The following SFSWAP variants were observed in gnomAD, a reference collection of about 807,000 sequenced individuals.
SFSWAP encodes the protein splicing factor, suppressor of white-apricot homolog.
A neutral mutation model predicts 100.7 loss-of-function variants in SFSWAP; 17 were observed. The observed-to-expected ratio is 0.17, with a 90% CI of 0.12 to 0.25. The LOEUF is 0.25. SFSWAP is among the 10% of genes least tolerant of loss of function. The probability of loss-of-function intolerance (pLI) is 1.00; values close to 1 mark genes in which losing one functional copy is unlikely to be tolerated. For missense variants in SFSWAP, 1,005 were observed against 1,262.6 expected, an observed-to-expected ratio of 0.80 and a Z score of 3.09; for synonymous variants, 504 against 510.1, an observed-to-expected ratio of 0.99 and a Z score of 0.16.
chr12:131,751,841 G>A (rs374896024), intron 7 of SFSWAP, among the ~76,000 whole-genome samples: 3 of 152,184 alleles, frequency 2.0e-5, no homozygotes, highest in African/African-American at 7.2e-5. Context: ...CCCTGCTCCC[G>A]GCCTTTTCTC....
intron 8 of SFSWAP, among the ~76,000 whole-genome samples, chr12:131,753,824 A>G (rs1881891701): frequency 6.6e-6 from 1 of 152,178 alleles, no homozygotes; most frequent in Non-Finnish European, 1.5e-5. Context: ...CTGTGAAGCC[A>G]TCGGCAGAGC....
chr12:131,768,528 G>A (rs1264480373), intron 13 of SFSWAP, among the ~76,000 whole-genome samples: 3 of 152,300 alleles, frequency 2.0e-5, no homozygotes, highest in Non-Finnish European at 2.9e-5. Context: ...GCAAGGAGGG[G>A]AGAATTAGAA....
chr12:131,759,213 C>T (rs1019178245), intron 11 of SFSWAP, among the ~76,000 whole-genome samples: 13 of 152,032 alleles, frequency 8.6e-5, no homozygotes, highest in Admixed American at 8.5e-4. Context: ...TCTAAGAAAA[C>T]ATAAGTGCTG....
rs760908138 is a variant in SFSWAP at position 131,753,235 on chromosome 12, T to C, written c.1194T>C (p.Ala398=). The change falls in exon 8 of 18, where the codon GCT becomes GCC. Residue 398 remains alanine (A), a synonymous_variant. Coordinates refer to ENST00000261674, the MANE Select transcript of SFSWAP (RefSeq NM_004592.4). ...CTACTTACTACAGCACCCTTCCTGC[T>C]GGCGTGACCGTGTCTAACTCCCCTG... ...DVTTYYSTLP[A]GVTVSNSPGV... The C allele has an allele frequency of 6.2e-7, 1 of 1,614,202 alleles. No homozygotes were observed. The highest frequency in any genetic ancestry group is 8.5e-7 in the Non-Finnish European group (1 of 1,180,028).
chr12:131,728,758 G>A (rs11246777), intron 7 of SFSWAP, among the ~76,000 whole-genome samples: 624 of 151,578 alleles, frequency 4.1e-3, no homozygotes, highest in Non-Finnish European at 6.9e-3. Flanking sequence ...CAGAGTGCAG[G>A]GATGCAAGCA....
At chr12:131,772,220 C>T (rs1488089710) in intron 13 of SFSWAP, among the ~76,000 whole-genome samples, 1 of 152,232 alleles carries the variant, frequency 6.6e-6, no homozygotes, top group East Asian at 1.9e-4. Context: ...CCCAGTGACT[C>T]ACAGAGCCTT....
intron 11 of SFSWAP, among the ~76,000 whole-genome samples, chr12:131,759,263 A>G (rs367865231): frequency 6.6e-6 from 1 of 152,252 alleles, no homozygotes; most frequent in Non-Finnish European, 1.5e-5. Context: ...ACATAGACCT[A>G]TAGACCTGAA....
rs34729193 is a variant in SFSWAP, at chr12:131,797,303, C to T, written c.2660C>T (p.Ala887Val). The T allele has an allele frequency of 8.7e-6, 14 of 1,611,314 alleles. No individual in the cohort carries two copies. The highest frequency in any genetic ancestry group is 6.7e-5 in the African/African-American group (5 of 75,014). ...CCCGCGGCCCCCGCGGCCCACTCGG[C>T]GCACTCAGCCAGCGTCTCCCCTGTG... Reference protein sequence around the residue: ...PRPAAPAAHSAHSASVSPVES... With the variant: ...PRPAAPAAHSVHSASVSPVES... The change falls in exon 16 of 18, where the codon GCG becomes GTG. Residue 887 changes from alanine to valine, a missense_variant. Coordinates refer to ENST00000261674, the MANE Select transcript of SFSWAP (RefSeq NM_004592.4).
In SFSWAP at chr12:131,711,295, G is replaced by C; in HGVS notation, c.66G>C (p.Gly22=). 2 of 1,613,228 alleles carry C rather than the reference G, an allele frequency of 1.2e-6. No individual in the cohort carries two copies. The highest frequency in any genetic ancestry group is 1.1e-5 in the South Asian group (1 of 91,068). The part of the protein sequence containing the change: ...ERKSGAKEEA[G]PGGAGGGGSR... Reference sequence around the variant, plus strand: ...AAAGCGGCGCGAAGGAGGAGGCCGGGCCAGGCGGTGCCGGCGGTGGGGGCA... The same window carrying C: ...AAAGCGGCGCGAAGGAGGAGGCCGGCCCAGGCGGTGCCGGCGGTGGGGGCA... The change falls in exon 1 of 18, where the codon GGG becomes GGC. Residue 22 remains glycine (G), a synonymous_variant. Transcript: ENST00000261674. The surrounding 1 kb of genome is among the most constrained non-coding windows in gnomAD (Gnocchi z 4.9).
chr12:131,751,912 T>C (rs962533318), intron 7 of SFSWAP, among the ~76,000 whole-genome samples: 2 of 152,244 alleles, frequency 1.3e-5, no homozygotes, highest in African/African-American at 2.4e-5. Flanking sequence ...AACCCACTTA[T>C]CTTATTTTGA....
chr12:131,778,311 C>A lies in SFSWAP; in HGVS notation c.2389C>A (p.Arg797=), dbSNP rs1226838125. The A allele has an allele frequency of 1.2e-6, 2 of 1,613,722 alleles. No homozygotes were observed. The highest frequency in any genetic ancestry group is 1.7e-6 in the Non-Finnish European group (2 of 1,179,854). ...AAAGCATTCTCTTCCCAGTGCCTAT[C>A]GGACAGTGCGGCGGTCGAGGTGGGT... ...KAKHSLPSAY[R]TVRRSRSRSR... The change falls in exon 14 of 18, where the codon CGG becomes AGG. Residue 797 remains arginine (R), a synonymous_variant. Coordinates refer to ENST00000261674, the MANE Select transcript of SFSWAP (RefSeq NM_004592.4). This position sits in a 1 kb window ranked among gnomAD's most constrained non-coding sequence, Gnocchi z 4.2.
intron 13 of SFSWAP, among the ~76,000 whole-genome samples, chr12:131,774,427 A>T (rs970227269): frequency 3.3e-5 from 5 of 152,154 alleles, no homozygotes; most frequent in African/African-American, 9.7e-5. Context: ...AATCAATGTT[A>T]ATTTCCAGTG....
intron 7 of SFSWAP, among the ~76,000 whole-genome samples, chr12:131,751,810 T>G (rs1022334415): frequency 1.3e-5 from 2 of 152,248 alleles, no homozygotes; most frequent in African/African-American, 4.8e-5. Flanking sequence ...CAGCCTCCCA[T>G]TGACATCCAA....
At chr12:131,736,930 T>G (rs1366586896) in intron 7 of SFSWAP, among the ~76,000 whole-genome samples, 2 of 150,884 alleles carry the variant, frequency 1.3e-5, no homozygotes, top group Non-Finnish European at 3.0e-5. Context: ...GTGGTACTTG[T>G]GGAGGGCCAG....
chr12:131,717,120 C>A (rs1386317107), intron 3 of SFSWAP, among the ~76,000 whole-genome samples: 1 of 152,138 alleles, frequency 6.6e-6, no homozygotes, highest in Non-Finnish European at 1.5e-5. Context: ...CACACACATA[C>A]GTGCATATTG....
intron 3 of SFSWAP, among the ~76,000 whole-genome samples, chr12:131,715,907 C>T (rs1026982382): frequency 6.6e-6 from 1 of 152,078 alleles, no homozygotes; most frequent in Admixed American, 6.6e-5. Flanking sequence ...ACTGTGTTGC[C>T]CAAGCTAGTC....
At chr12:131,784,004 C>G (rs544294699) in intron 14 of SFSWAP, 23 of 151,624 alleles carry the variant, frequency 1.5e-4, no homozygotes, top group Admixed American at 1.5e-3. Flanking sequence ...AATTGCATAG[C>G]AAATCCGTAA....
Position 131,728,290 on chromosome 12 carries a change from C to G in SFSWAP, c.946-3C>G. Reference sequence around the variant, plus strand: ...GCTAAGGCTGTGTCTTCTCTGTTTCCAGCCCTTGAAGGTAGTGGACCCAGA... The same window carrying G: ...GCTAAGGCTGTGTCTTCTCTGTTTCGAGCCCTTGAAGGTAGTGGACCCAGA... On this transcript the variant is annotated splice_region_variant and splice_polypyrimidine_tract_variant and intron_variant, in intron 6 of 17. Coordinates refer to ENST00000261674, the MANE Select transcript of SFSWAP (RefSeq NM_004592.4). 6.2e-7 allele frequency: 1 copy of G among 1,614,166 alleles called. No homozygotes were observed. Among genetic ancestry groups the G allele is most frequent in the Non-Finnish European group, 8.5e-7 (1 of 1,179,986 alleles).
chr12:131,795,527 T>C (rs1350634194), intron 15 of SFSWAP, among the ~76,000 whole-genome samples: 1 of 152,142 alleles, frequency 6.6e-6, no homozygotes, highest in Non-Finnish European at 1.5e-5. Context: ...AGCCCCTCGA[T>C]GGGGTCTGCA....
Sources: gnomAD v4.1 joint callset for allele counts (sites outside exome capture counted in the v4.1 genomes callset) on GRCh38, gnomAD v4.1.1 for gene constraint, Gnocchi (gnomAD v3.1) non-coding constraint, MANE v1.5 for transcripts, NCBI Gene and HGNC (gene_info 2026-07-23, HGNC 2026-07-21) for gene names.